Variants in MICU2 observed in about 807,000 individuals in gnomAD.
The protein encoded by MICU2 is calcium uptake protein 2, mitochondrial.
A neutral mutation model predicts 60.4 loss-of-function variants in MICU2; 64 were observed. The ratio of observed to expected loss-of-function variants is 1.06; its 90% confidence interval spans 0.87 to 1.31. The LOEUF (loss-of-function observed/expected upper bound fraction) is 1.31, where lower values mean the gene tolerates loss of function less well. Ranked by LOEUF, MICU2 falls within the 50% of genes most tolerant of loss-of-function variation. MICU2 has a pLI of 0.00. For synonymous variants in MICU2, 201 were observed against 175.0 expected, an observed-to-expected ratio of 1.15 and a Z score of -1.17; for missense variants, 569 against 531.0, an observed-to-expected ratio of 1.07 and a Z score of -0.70.
intron 1 of MICU2, among the ~76,000 whole-genome samples, chr13:21,585,396 G>A (rs1460751761): frequency 6.6e-6 from 1 of 152,104 alleles, no homozygotes; most frequent in Non-Finnish European, 1.5e-5. Flanking sequence ...TCTGTATGTT[G>A]CTATAAAGTT....
intron 1 of MICU2, among the ~76,000 whole-genome samples, chr13:21,598,538 A>G (rs1490826347): frequency 6.6e-6 from 1 of 152,234 alleles, no homozygotes; most frequent in East Asian, 1.9e-4. Flanking sequence ...CAATATGGTG[A>G]AACCCCGTCT....
chr13:21,514,531 T>C, intron 6 of MICU2, 113 bp from the exon 7 acceptor site: 2 of 707,260 alleles, frequency 2.8e-6, no homozygotes, highest in Admixed American at 5.6e-5. Flanking sequence ...ATTTGCTAAA[T>C]ATTAACTTCT....
rs533348318 is a variant in MICU2, at chr13:21,567,452, G to A, written c.211-508C>T. Among the ~76,000 whole-genome samples the A allele has an allele frequency of 4.6e-5, 7 of 152,246 alleles. No individual in the cohort carries two copies. In the South Asian group the frequency reaches 1.5e-3, roughly 32 times the overall value. On this transcript the variant is annotated intron_variant, in intron 1 of 11. Transcript: ENST00000382374. ...AAGGCCACGTTACCAGAGTGACTGA[G>A]GAAAGAAGAGAGTGGCAGAAGAGAG...
intron 1 of MICU2, among the ~76,000 whole-genome samples, chr13:21,584,493 A>G (rs1266986216): frequency 1.3e-5 from 2 of 152,134 alleles, no homozygotes; most frequent in Non-Finnish European, 2.9e-5. Flanking sequence ...TTTCTAGTAC[A>G]CAACACACAA....
At position 21,592,769 on chromosome 13, in the gene MICU2, C is replaced by T. The variant is rs752478958; in HGVS notation, c.210+11170G>A. 8.6e-4 allele frequency among the ~76,000 whole-genome samples: 131 copies of T among 152,086 alleles called. 1 individual carries two copies. Among genetic ancestry groups the T allele is most frequent in the African/African-American group, 4.3e-4 (18 of 41,414 alleles). ...AACAGAGCCAAAGACAAAAACCACA[C>T]GATTATCTCAATAGATACAGAAAAG... On this transcript the variant is annotated intron_variant, in intron 1 of 11. Transcript: ENST00000382374.
At chr13:21,549,066 C>T (rs1887484930) in intron 2 of MICU2, among the ~76,000 whole-genome samples, 1 of 151,588 alleles carries the variant, frequency 6.6e-6, no homozygotes, top group Admixed American at 6.6e-5. Flanking sequence ...GCTGGGACTA[C>T]AGGCGCCCGC....
intron 4 of MICU2, among the ~76,000 whole-genome samples, chr13:21,537,683 C>CT (rs1478786237): frequency 4.6e-5 from 7 of 152,084 alleles, no homozygotes; most frequent in African/African-American, 1.7e-4. Flanking sequence ...GTTGGCCAGG[C>CT]TGGTCTCAAA....
intron 1 of MICU2, among the ~76,000 whole-genome samples, chr13:21,595,645 T>C (rs1204051208): frequency 6.6e-6 from 1 of 152,260 alleles, no homozygotes; most frequent in African/African-American, 2.4e-5. Flanking sequence ...AGGTCAATAC[T>C]GTACTCTAGT....
At chr13:21,551,605 A>T (rs942764193) in intron 2 of MICU2, among the ~76,000 whole-genome samples, 4 of 108,606 alleles carry the variant, frequency 3.7e-5, no homozygotes, top group African/African-American at 1.5e-4. Context: ...ACCCCACAAC[A>T]GGCCCAGGTG....
chr13:21,557,458 AG>A (rs1887735305), intron 2 of MICU2, among the ~76,000 whole-genome samples: 1 of 152,208 alleles, frequency 6.6e-6, no homozygotes, highest in South Asian at 2.1e-4. Flanking sequence ...CCAAGGAAAC[AG>A]GAAGAATGAG....
At chr13:21,534,402 T>G (rs1195549094) in intron 4 of MICU2, among the ~76,000 whole-genome samples, 1 of 152,088 alleles carries the variant, frequency 6.6e-6, no homozygotes, top group Non-Finnish European at 1.5e-5. Context: ...GATGGGGGTC[T>G]CCCTATGTTG....
intron 2 of MICU2, among the ~76,000 whole-genome samples, chr13:21,556,941 A>T (rs928231393): frequency 6.6e-6 from 1 of 152,188 alleles, no homozygotes; most frequent in Non-Finnish European, 1.5e-5. Context: ...CTGCACAATC[A>T]CATGATTTTC....
intron 1 of MICU2, among the ~76,000 whole-genome samples, chr13:21,587,105 C>A (rs1305284985): frequency 6.6e-6 from 1 of 152,194 alleles, no homozygotes. Flanking sequence ...CCTTCCTCCC[C>A]TTTGCCAGGG....
intron 2 of MICU2, among the ~76,000 whole-genome samples, chr13:21,540,553 C>T (rs544965151): frequency 3.9e-5 from 6 of 152,166 alleles, no homozygotes; most frequent in East Asian, 3.9e-4. Context: ...TTAATTTGGA[C>T]GATAAATCTA....
intron 8 of MICU2, among the ~76,000 whole-genome samples, chr13:21,507,790 G>C (rs2138144283): frequency 6.6e-6 from 1 of 151,760 alleles, no homozygotes; most frequent in South Asian, 2.1e-4. Flanking sequence ...TTTTAGTAGA[G>C]ACGGGGTTTC....
chr13:21,566,797 G>T lies in MICU2; in HGVS notation c.358C>A (p.Arg120Ser). The T allele has an allele frequency of 2.6e-6, 4 of 1,561,194 alleles. No homozygotes were observed. Among genetic ancestry groups the T allele is most frequent in the Non-Finnish European group, 3.5e-6 (4 of 1,158,714 alleles). The change falls in exon 2 of 12, where the codon CGT (arginine) becomes AGT (serine). Residue 120 changes from arginine (R) to serine (S), a missense_variant and splice_region_variant. Physicochemically the swap from Arg to Ser is moderately radical, Grantham distance 110. Transcript: ENST00000382374. ...LFSVMFEQME[R>S]KTSVKKLTKK... ...TAAAAAAAAAAAAGACCCAACTCAC[G>T]TTCCATTTGCTCAAACATCACTGAG... is the stretch of plus-strand genomic sequence containing the variant.
At chr13:21,594,354 G>A (rs7335880) in intron 1 of MICU2, among the ~76,000 whole-genome samples, 51,757 of 151,974 alleles carry the variant, frequency 0.34, 9,289 homozygotes, top group South Asian at 0.4. Context: ...CAGTCAGAAT[G>A]GTGATTATTA....
chr13:21,502,976 T>C lies in MICU2; in HGVS notation c.883A>G (p.Asn295Asp), dbSNP rs768041784. The change falls in exon 9 of 12, where the codon AAT becomes GAT. Residue 295 changes from asparagine (N) to aspartate (D), a missense_variant. By Grantham distance (23) the Asn-to-Asp change is conservative. Coordinates refer to ENST00000382374, the MANE Select transcript of MICU2 (RefSeq NM_152726.3). ...ACATTTTTCCAATAAATATCTTTAT[T>C]TTCAGTGTTAGTGAAAAAAAGTAGC... ...EWLLFFTNTE[N>D]KDIYWKNVRE... 6.2e-6 allele frequency: 10 copies of C among 1,612,514 alleles called. No individual in the cohort carries two copies. The South Asian group carries it at 1.1e-4, about 18-fold the overall frequency.
At chr13:21,574,596 T>C (rs1888182606) in intron 1 of MICU2, among the ~76,000 whole-genome samples, 1 of 152,232 alleles carries the variant, frequency 6.6e-6, no homozygotes, top group Admixed American at 6.5e-5. Context: ...TTCTCTGTTC[T>C]TTGTTTAACA....
Sources: gnomAD v4.1 joint callset for allele counts (sites outside exome capture counted in the v4.1 genomes callset) on GRCh38, gnomAD v4.1.1 for gene constraint, MANE v1.5 for transcripts, NCBI Gene and HGNC (gene_info 2026-07-23, HGNC 2026-07-21) for gene names.